The following ENTREP2 variants were observed in gnomAD, a reference collection of about 807,000 sequenced individuals.
ENTREP2 encodes endosomal transmembrane epsin interactor 2.
the ENTREP2 span, among the ~76,000 whole-genome samples, chr15:29,488,369 T>C: frequency 6.6e-6 from 1 of 152,086 alleles, no homozygotes; most frequent in East Asian, 1.9e-4. Flanking sequence ...CAATGAAAAT[T>C]ATCCAGTCTG....
At chr15:29,333,960 C>T in the ENTREP2 span, among the ~76,000 whole-genome samples, 1 of 151,922 alleles carries the variant, frequency 6.6e-6, no homozygotes, top group Middle Eastern at 3.4e-3. Flanking sequence ...CAAGGAACGT[C>T]ACGTCACGGA....
chr15:29,611,341 T>G, the ENTREP2 span: 1 of 151,816 alleles, frequency 6.6e-6, no homozygotes, highest in African/African-American at 2.4e-5. Flanking sequence ...GGGGAAACTC[T>G]TTTAGTCGGA....
At chr15:29,193,107 T>C in the ENTREP2 span, among the ~76,000 whole-genome samples, 59,702 of 151,974 alleles carry the variant, frequency 0.39, 12,015 homozygotes, top group East Asian at 0.55. Flanking sequence ...CTAGTCAGTG[T>C]AATAAAACAG....
At chr15:29,275,431 G>T in the ENTREP2 span, among the ~76,000 whole-genome samples, 7 of 152,182 alleles carry the variant, frequency 4.6e-5, no homozygotes, top group Non-Finnish European at 1.0e-4. Context: ...AGTGTGATTC[G>T]AATATGGCAT....
chr15:29,177,406 TTGG>T, the ENTREP2 span, among the ~76,000 whole-genome samples: 1 of 152,182 alleles, frequency 6.6e-6, no homozygotes, highest in Admixed American at 6.5e-5. Context: ...AGAAAATATA[TTGG>T]TGGTTGTTTT....
the ENTREP2 span, among the ~76,000 whole-genome samples, chr15:29,476,115 T>C: frequency 8.3e-4 from 126 of 152,356 alleles, no homozygotes; most frequent in African/African-American, 2.7e-3. Context: ...CAGCAAATTA[T>C]ACTCTTCAAA....
chr15:29,258,212 C>CAAAAAAAAAAAAAA, the ENTREP2 span, among the ~76,000 whole-genome samples: 3 of 118,338 alleles, frequency 2.5e-5, no homozygotes, highest in Non-Finnish European at 5.2e-5. Context: ...GGCTCAGTCT[C>CAAAAAAAAAAAAAA]AAAAAAAAAA....
the ENTREP2 span, among the ~76,000 whole-genome samples, chr15:29,218,322 T>C: frequency 4.6e-5 from 7 of 152,282 alleles, no homozygotes; most frequent in Middle Eastern, 3.4e-3. Context: ...TAAGAGTATA[T>C]GCCCTTTGTC....
At chr15:29,625,556 T>C in the ENTREP2 span, among the ~76,000 whole-genome samples, 1 of 151,974 alleles carries the variant, frequency 6.6e-6, no homozygotes, top group Non-Finnish European at 1.5e-5. Flanking sequence ...CCACCACACC[T>C]GGCTAATTTT....
At chr15:29,494,885 CAT>C in the ENTREP2 span, among the ~76,000 whole-genome samples, 1 of 152,036 alleles carries the variant, frequency 6.6e-6, no homozygotes, top group African/African-American at 2.4e-5. Context: ...TGTTTGTGTG[CAT>C]GTGTGTGTGT....
the ENTREP2 span, among the ~76,000 whole-genome samples, chr15:29,489,034 T>TTA: frequency 6.6e-6 from 1 of 152,136 alleles, no homozygotes; most frequent in Non-Finnish European, 1.5e-5. Flanking sequence ...ATTTTGGACT[T>TTA]TTATAGAGGG....
At chr15:29,422,059 G>A in the ENTREP2 span, among the ~76,000 whole-genome samples, 10 of 152,214 alleles carry the variant, frequency 6.6e-5, no homozygotes, top group Middle Eastern at 3.4e-3. Context: ...CCTGAGGTCA[G>A]GAGTTCAAAA....
the ENTREP2 span, among the ~76,000 whole-genome samples, chr15:29,567,627 G>C: frequency 6.6e-6 from 1 of 152,140 alleles, no homozygotes; most frequent in East Asian, 1.9e-4. Context: ...CAATGGCTAA[G>C]GCAAATCAGA....
the ENTREP2 span, among the ~76,000 whole-genome samples, chr15:29,444,226 GAA>G: frequency 6.1e-5 from 9 of 148,534 alleles, no homozygotes; most frequent in African/African-American, 2.0e-4. Flanking sequence ...AAGAAAGAAA[GAA>G]AGAAAGAAAG....
At chr15:29,330,605 G>C in the ENTREP2 span, among the ~76,000 whole-genome samples, 1 of 152,110 alleles carries the variant, frequency 6.6e-6, no homozygotes, top group Non-Finnish European at 1.5e-5. Context: ...ACGAAGTGAG[G>C]AAAGTCTATG....
At chr15:29,402,245 T>C in the ENTREP2 span, among the ~76,000 whole-genome samples, 1 of 147,606 alleles carries the variant, frequency 6.8e-6, no homozygotes, top group East Asian at 2.0e-4. Context: ...AATCATATTA[T>C]AGAAGAATAT....
chr15:29,283,586 G>A, the ENTREP2 span, among the ~76,000 whole-genome samples: 6 of 152,116 alleles, frequency 3.9e-5, no homozygotes, highest in Non-Finnish European at 5.9e-5. Flanking sequence ...CCAAACCAGC[G>A]CTGGGGAAAC....
the ENTREP2 span, among the ~76,000 whole-genome samples, chr15:29,159,787 T>A: frequency 6.6e-6 from 1 of 151,996 alleles, no homozygotes; most frequent in African/African-American, 2.4e-5. Context: ...AGACACAGAG[T>A]GCCGACTGGT....
At chr15:29,150,838 A>G in the ENTREP2 span, among the ~76,000 whole-genome samples, 2 of 152,206 alleles carry the variant, frequency 1.3e-5, no homozygotes, top group African/African-American at 4.8e-5. Flanking sequence ...CTTTTCTTGC[A>G]TAAGATGCAT....
Sources: allele counts gnomAD v4.1 joint callset (sites outside exome capture counted in the v4.1 genomes callset), GRCh38; gene constraint gnomAD v4.1.1; transcripts MANE v1.5; gene names NCBI Gene and HGNC (gene_info 2026-07-23, HGNC 2026-07-21).